The following CCDC146 variants were observed in gnomAD, a reference collection of about 807,000 sequenced individuals.
The protein encoded by CCDC146 is coiled-coil domain containing 146.
In CCDC146, 92 loss-of-function variants were observed where a neutral mutation model predicts 119.3. The observed-to-expected ratio is 0.77, with a 90% confidence interval of 0.65 to 0.92. CCDC146 has a LOEUF of 0.92. Ranked by LOEUF, CCDC146 falls within the 40% of genes least tolerant of loss-of-function variation. The pLI is 0.00. For missense variants in CCDC146, 1,000 were observed against 1,103.0 expected (o/e 0.91, Z 1.32); for synonymous variants, 372 against 371.8 (o/e 1.00, Z -0.01).
At chr7:77,253,300 C>T (rs1473603089) in intron 4 of CCDC146, among the ~76,000 whole-genome samples, 1 of 152,164 alleles carries the variant, frequency 6.6e-6, no homozygotes, top group East Asian at 1.9e-4. Flanking sequence ...GTCAAGTTTC[C>T]TCTGGCTCTA....
chr7:77,203,613 A>T (rs1053647357), intron 2 of CCDC146, among the ~76,000 whole-genome samples: 1 of 152,140 alleles, frequency 6.6e-6, no homozygotes, highest in African/African-American at 2.4e-5. Flanking sequence ...CACTACTAGG[A>T]GTTCCCACCT....
intron 4 of CCDC146, 21 bp downstream of exon 4, chr7:77,241,921 G>A (rs773000838): frequency 5.1e-5 from 80 of 1,565,686 alleles, no homozygotes; most frequent in South Asian, 3.9e-4. Context: ...AGTTCTCTCC[G>A]GCACACTGAA....
chr7:77,163,263 C>T lies in CCDC146; in HGVS notation c.-11-4395C>T, dbSNP rs1791289742. ...AGGAGTTCAAGACCAGCATGGCCAA[C>T]ATGGTGAAACCCTGTCTCTACTAAA... On this transcript the variant is annotated intron_variant, in intron 1 of 18. Coordinates refer to ENST00000285871, the MANE Select transcript of CCDC146 (RefSeq NM_020879.3). Among the ~76,000 whole-genome samples the T allele has an allele frequency of 2.6e-5, 4 of 152,252 alleles. 1 individual carries two copies. In the South Asian group the frequency reaches 8.3e-4, roughly 32 times the overall value.
intron 2 of CCDC146, among the ~76,000 whole-genome samples, chr7:77,201,677 A>G (rs1007622847): frequency 1.3e-5 from 2 of 152,094 alleles, no homozygotes; most frequent in African/African-American, 4.8e-5. Context: ...TACACACCTT[A>G]TGACTTTTTT....
chr7:77,271,542 A>AC (rs1793519673), intron 9 of CCDC146, among the ~76,000 whole-genome samples: 3 of 92,638 alleles, frequency 3.2e-5, no homozygotes, highest in African/African-American at 1.5e-4. Flanking sequence ...ATATATATAT[A>AC]TATATATATA....
At chr7:77,265,627 A>G (rs1793386346) in intron 9 of CCDC146, among the ~76,000 whole-genome samples, 1 of 152,252 alleles carries the variant, frequency 6.6e-6, no homozygotes, top group African/African-American at 2.4e-5. Context: ...TAGAAGGGAC[A>G]CATAAACCTA....
intron 4 of CCDC146, 93 bp from the exon 5 acceptor site, chr7:77,254,413 A>G (rs999255347): frequency 4.3e-6 from 3 of 691,906 alleles, no homozygotes; most frequent in Non-Finnish European, 7.2e-6. Flanking sequence ...CAAGCATGGG[A>G]ATGACATTCT....
intron 1 of CCDC146, among the ~76,000 whole-genome samples, chr7:77,156,893 A>G (rs1206000466): frequency 2.0e-5 from 3 of 150,650 alleles, no homozygotes; most frequent in African/African-American, 5.0e-5. Flanking sequence ...GTTATCTCCA[A>G]AAGATAATAT....
chr7:77,179,402 A>G (rs1163042435), intron 2 of CCDC146, among the ~76,000 whole-genome samples: 1 of 152,148 alleles, frequency 6.6e-6, no homozygotes, highest in African/African-American at 2.4e-5. Context: ...ATAATTAACA[A>G]TCTTTTATAT....
intron 1 of CCDC146, among the ~76,000 whole-genome samples, chr7:77,148,713 T>C (rs1791061722): frequency 6.6e-6 from 1 of 151,980 alleles, no homozygotes. Context: ...AAATCATGAG[T>C]AAACTCCCAT....
intron 1 of CCDC146, among the ~76,000 whole-genome samples, chr7:77,147,425 C>T (rs1413582221): frequency 3.0e-4 from 45 of 152,236 alleles, no homozygotes; most frequent in Admixed American, 2.9e-3. Context: ...AAGTCATTCT[C>T]CTTCCAGCTT....
At chr7:77,206,072 C>T (rs138642902) in intron 2 of CCDC146, among the ~76,000 whole-genome samples, 15 of 152,262 alleles carry the variant, frequency 9.9e-5, no homozygotes, top group East Asian at 3.9e-4. Flanking sequence ...TACCACGCTA[C>T]GCATGTCCAT....
At chr7:77,165,075 G>A (rs1194225868) in intron 1 of CCDC146, among the ~76,000 whole-genome samples, 1 of 152,212 alleles carries the variant, frequency 6.6e-6, no homozygotes, top group Non-Finnish European at 1.5e-5. Flanking sequence ...ATGCAGTGGA[G>A]GCATTTTACC....
At chr7:77,142,965 T>G (rs1256376751) in intron 1 of CCDC146, among the ~76,000 whole-genome samples, 5 of 151,840 alleles carry the variant, frequency 3.3e-5, no homozygotes, top group Non-Finnish European at 7.3e-5. Flanking sequence ...GTATTTCTAG[T>G]TCTAGATCCT....
At chr7:77,162,859 A>T (rs1298923781) in intron 1 of CCDC146, among the ~76,000 whole-genome samples, 1 of 151,992 alleles carries the variant, frequency 6.6e-6, no homozygotes, top group Admixed American at 6.6e-5. Context: ...TCCTTGGTTA[A>T]ATGTATGCCT....
chr7:77,259,024 A>G lies in CCDC146; in HGVS notation c.714A>G (p.Pro238=). 6.2e-7 allele frequency: 1 copy of G among 1,612,748 alleles called. No homozygotes were observed. The highest frequency in any genetic ancestry group is 8.5e-7 in the Non-Finnish European group (1 of 1,178,978). ...KDEVAHHQTI[P]VQIGKEIEKI... is the part of the protein sequence containing the mutation. ...AAGTGGCCCACCATCAAACCATTCC[A>G]GTACAAATTGGAAAAGAGATAGAAA... The change falls in exon 7 of 19, where the codon CCA becomes CCG. Residue 238 remains proline (P), a synonymous_variant. Transcript: ENST00000285871.
chr7:77,171,267 T>C (rs1791416839), intron 2 of CCDC146, among the ~76,000 whole-genome samples: 1 of 152,234 alleles, frequency 6.6e-6, no homozygotes, highest in African/African-American at 2.4e-5. Flanking sequence ...CCTCTCCATG[T>C]GGTTGAGATA....
chr7:77,268,370 A>G (rs1411988070), intron 9 of CCDC146, among the ~76,000 whole-genome samples: 1 of 152,196 alleles, frequency 6.6e-6, no homozygotes, highest in East Asian at 1.9e-4. Flanking sequence ...TTTATGTTCA[A>G]CAGGGGAATA....
At chr7:77,274,342 T>C in intron 10 of CCDC146, 140 bp from the exon 11 acceptor site, 1 of 550,238 alleles carries the variant, frequency 1.8e-6, no homozygotes, top group Non-Finnish European at 3.1e-6. Flanking sequence ...AGGCTTGAAT[T>C]ACAGGCGTGA....
Sources: gnomAD v4.1 joint callset for allele counts (sites outside exome capture counted in the v4.1 genomes callset) on GRCh38, gnomAD v4.1.1 for gene constraint, MANE v1.5 for transcripts, NCBI Gene and HGNC (gene_info 2026-07-23, HGNC 2026-07-21) for gene names.